GRIN2A: variants seen among roughly 807,000 people sequenced by gnomAD.
GRIN2A encodes the protein glutamate receptor ionotropic, NMDA 2A.
Under a neutral mutation model 113.4 loss-of-function variants are expected in GRIN2A, and 22 were observed. The observed-to-expected ratio is 0.19, with a 90% CI of 0.14 to 0.28. The LOEUF (loss-of-function observed/expected upper bound fraction) is 0.28. Among genes scored for constraint, GRIN2A ranks in the 10% least tolerant of loss-of-function variants. The pLI is 1.00. For synonymous variants in GRIN2A, 827 were observed against 738.4 expected (o/e 1.12, Z -1.94); for missense variants, 1,502 against 1,887.0 (o/e 0.80, Z 3.78).
intron 8 of GRIN2A, among the ~76,000 whole-genome samples, chr16:9,829,868 A>G (rs2042456738): frequency 6.6e-6 from 1 of 152,164 alleles, no homozygotes; most frequent in African/African-American, 2.4e-5. Flanking sequence ...GATTTTTGCC[A>G]CATTTCTTTA....
intron 7 of GRIN2A, among the ~76,000 whole-genome samples, chr16:9,838,700 T>G (rs1429105209): frequency 1.3e-5 from 2 of 152,200 alleles, no homozygotes; most frequent in African/African-American, 4.8e-5. Flanking sequence ...TAATTTACAT[T>G]CCACAGTGTC....
Position 9,884,320 on chromosome 16 carries a change from C to T in GRIN2A, c.1122+6666G>A, listed in dbSNP as rs968284246. The stretch of plus-strand genomic sequence containing the variant: ...TCCCAGCACATTGGGAAGCTGAAGC[C>T]GGTGGATCACCTGAGGTCAGGGGTT... On this transcript the variant is annotated intron_variant, in intron 4 of 12. Coordinates refer to ENST00000330684, the MANE Select transcript of GRIN2A (RefSeq NM_001134407.3). Among the ~76,000 whole-genome samples the T allele has an allele frequency of 5.3e-5, 8 of 152,194 alleles. No homozygotes were observed. The Middle Eastern group carries it at 0.01, about 194-fold the overall frequency.
intron 2 of GRIN2A, among the ~76,000 whole-genome samples, chr16:10,067,178 C>T (rs1001956861): frequency 1.3e-5 from 2 of 152,148 alleles, no homozygotes; most frequent in African/African-American, 2.4e-5. Flanking sequence ...CTTTAAAAGA[C>T]ACTTGCATCT....
intron 2 of GRIN2A, among the ~76,000 whole-genome samples, chr16:9,940,752 A>G (rs981823575): frequency 6.6e-6 from 1 of 152,214 alleles, no homozygotes; most frequent in African/African-American, 2.4e-5. Context: ...TCCTACCCTG[A>G]GGAACTACCC....
intron 2 of GRIN2A, among the ~76,000 whole-genome samples, chr16:10,175,023 A>G (rs1201604313): frequency 6.6e-6 from 1 of 152,224 alleles, no homozygotes; most frequent in African/African-American, 2.4e-5. Context: ...ATGTTTAGAT[A>G]CACAAATACT....
chr16:10,162,075 G>A (rs1275647729), intron 2 of GRIN2A, among the ~76,000 whole-genome samples: 1 of 152,136 alleles, frequency 6.6e-6, no homozygotes, highest in Non-Finnish European at 1.5e-5. Flanking sequence ...GGAAGAGGGG[G>A]TGGTGGGGAC....
chr16:9,764,150 G>T lies in GRIN2A; in HGVS notation c.3394C>A (p.Pro1132Thr), dbSNP rs771257899. 3 of 1,613,462 alleles carry T rather than the reference G, an allele frequency of 1.9e-6. No homozygotes were observed. The highest frequency in any genetic ancestry group is 2.5e-6 in the Non-Finnish European group (3 of 1,179,552). The change falls in exon 13 of 13, where the codon CCA becomes ACA. Residue 1132 changes from proline (P) to threonine (T), a missense_variant. By Grantham distance (38) the Pro-to-Thr change is conservative. This residue lies in a region of GRIN2A where 832 missense variants were observed against 789.7 expected (regional missense o/e 1.05). Transcript: ENST00000330684. ...GEKEPGFHLDPPQFVENVTLP... is the reference protein window; with the variant it reads ...GEKEPGFHLDTPQFVENVTLP... ...GTCACATTTTCAACAAACTGGGGTG[G>T]ATCTAAGTGGAAACCAGGCTCCTTC...
chr16:9,932,900 C>G (rs1298379039), intron 3 of GRIN2A, among the ~76,000 whole-genome samples: 1 of 152,184 alleles, frequency 6.6e-6, no homozygotes, highest in East Asian at 1.9e-4. Flanking sequence ...TGCCCATGCT[C>G]TTAACCGTGA....
intron 5 of GRIN2A, 110 bp from the exon 6 acceptor site, chr16:9,841,214 G>T (rs1408820088): frequency 5.4e-6 from 5 of 925,902 alleles, no homozygotes; most frequent in Non-Finnish European, 8.7e-6. Context: ...AAGTTTAAAA[G>T]GGGAAGTGGC....
intron 4 of GRIN2A, among the ~76,000 whole-genome samples, chr16:9,864,941 C>T (rs560590907): frequency 6.6e-6 from 1 of 152,154 alleles, no homozygotes; most frequent in African/African-American, 2.4e-5. Flanking sequence ...GGATGCTAAC[C>T]AAAGCCGTTG....
intron 2 of GRIN2A, among the ~76,000 whole-genome samples, chr16:9,946,714 A>T (rs2045025734): frequency 6.6e-6 from 1 of 152,198 alleles, no homozygotes. Flanking sequence ...TTCTGGATTT[A>T]TGAAGAAAGG....
intron 10 of GRIN2A, among the ~76,000 whole-genome samples, chr16:9,821,509 G>A (rs1250988130): frequency 6.6e-6 from 1 of 152,186 alleles, no homozygotes; most frequent in African/African-American, 2.4e-5. Flanking sequence ...TTTCAGAAGA[G>A]TCCATGGAAT....
chr16:9,967,550 C>T (rs958876655), intron 2 of GRIN2A, among the ~76,000 whole-genome samples: 3 of 152,124 alleles, frequency 2.0e-5, no homozygotes, highest in African/African-American at 4.8e-5. Context: ...ACTAAAAATA[C>T]AAAAATTAGC....
At chr16:10,025,947 A>C (rs1596437093) in intron 2 of GRIN2A, among the ~76,000 whole-genome samples, 1 of 152,348 alleles carries the variant, frequency 6.6e-6, no homozygotes, top group South Asian at 2.1e-4. Flanking sequence ...TGAGGAAGTC[A>C]GGCACAGCGA....
At chr16:9,971,506 C>T (rs2045669249) in intron 2 of GRIN2A, among the ~76,000 whole-genome samples, 1 of 152,232 alleles carries the variant, frequency 6.6e-6, no homozygotes, top group Non-Finnish European at 1.5e-5. Flanking sequence ...AGAGCCCAGT[C>T]AACCCACAGA....
At chr16:10,058,449 A>T (rs554757729) in intron 2 of GRIN2A, among the ~76,000 whole-genome samples, 1 of 152,362 alleles carries the variant, frequency 6.6e-6, no homozygotes, top group African/African-American at 2.4e-5. Context: ...GTGTCTACTA[A>T]CTACAATGAT....
intron 4 of GRIN2A, among the ~76,000 whole-genome samples, chr16:9,880,449 A>C (rs150329676): frequency 7.9e-5 from 12 of 152,074 alleles, no homozygotes; most frequent in Non-Finnish European, 1.6e-4. Flanking sequence ...AAAACTTTCT[A>C]CTTTTAAAGG....
At chr16:9,815,392 C>T (rs904581427) in intron 10 of GRIN2A, among the ~76,000 whole-genome samples, 2 of 143,788 alleles carry the variant, frequency 1.4e-5, no homozygotes, top group Admixed American at 7.0e-5. Flanking sequence ...ATACAGAGAA[C>T]TCTTAAAACC....
chr16:9,939,484 G>A (rs1240051602), intron 2 of GRIN2A, among the ~76,000 whole-genome samples: 1 of 152,126 alleles, frequency 6.6e-6, no homozygotes, highest in East Asian at 1.9e-4. Flanking sequence ...AGGTTAAAGG[G>A]CCTCTATTAG....
Sources: gnomAD v4.1 joint callset for allele counts (sites outside exome capture counted in the v4.1 genomes callset) on GRCh38, gnomAD v4.1.1 for gene constraint, gnomAD v4.1.1 regional missense constraint, MANE v1.5 for transcripts, NCBI Gene and HGNC (gene_info 2026-07-23, HGNC 2026-07-21) for gene names.